The following TMEM38B variants were observed in gnomAD, a reference collection of about 807,000 sequenced individuals.
TMEM38B encodes the protein transmembrane protein 38B, also known as trimeric intracellular cation channel type B.
In TMEM38B, 24 loss-of-function variants were observed where a neutral mutation model predicts 28.7. That is an observed-to-expected ratio of 0.84 (90% CI 0.61 to 1.18). TMEM38B has a LOEUF of 1.18. TMEM38B is among the 50% of genes most tolerant of loss of function. The probability of loss-of-function intolerance (pLI) is 0.00; values close to 1 mark genes in which losing one functional copy is unlikely to be tolerated. For missense variants in TMEM38B, 380 were observed against 350.9 expected (o/e 1.08, Z -0.66); for synonymous variants, 131 against 127.7 (o/e 1.03, Z -0.17).
At chr9:105,738,610 C>T (rs952429297) in intron 4 of TMEM38B, among the ~76,000 whole-genome samples, 1 of 150,600 alleles carries the variant, frequency 6.6e-6, no homozygotes, top group Admixed American at 6.6e-5. Flanking sequence ...TTTTTGATGT[C>T]AAGAAGAATC....
intron 4 of TMEM38B, among the ~76,000 whole-genome samples, chr9:105,744,897 T>C (rs374397286): frequency 3.3e-5 from 5 of 152,182 alleles, no homozygotes; most frequent in Non-Finnish European, 7.3e-5. Flanking sequence ...TTCATCCATG[T>C]CCCTACAAAG....
At chr9:105,731,365 TTACA>T (rs1836740062) in intron 4 of TMEM38B, among the ~76,000 whole-genome samples, 1 of 152,064 alleles carries the variant, frequency 6.6e-6, no homozygotes, top group Non-Finnish European at 1.5e-5. Context: ...TGCAGGTTTG[TTACA>T]TATGTATACA....
At chr9:105,709,607 C>G (rs1260061516) in intron 2 of TMEM38B, among the ~76,000 whole-genome samples, 1 of 152,150 alleles carries the variant, frequency 6.6e-6, no homozygotes, top group Non-Finnish European at 1.5e-5. Context: ...TGTCAGCACT[C>G]AATAAATATT....
intron 1 of TMEM38B, among the ~76,000 whole-genome samples, chr9:105,699,475 G>T (rs966588464): frequency 3.3e-5 from 5 of 152,172 alleles, no homozygotes; most frequent in African/African-American, 1.2e-4. Flanking sequence ...ACCTCACTCC[G>T]TACTTTCCCA....
chr9:105,717,970 A>G (rs538468363), intron 2 of TMEM38B, among the ~76,000 whole-genome samples: 2 of 152,306 alleles, frequency 1.3e-5, no homozygotes, highest in South Asian at 4.1e-4. Flanking sequence ...GTTAAAAAGC[A>G]TGTAATTGAG....
intron 2 of TMEM38B, among the ~76,000 whole-genome samples, chr9:105,717,031 G>C (rs1836126237): frequency 6.6e-6 from 1 of 152,158 alleles, no homozygotes; most frequent in Non-Finnish European, 1.5e-5. Context: ...TAACCCCCAT[G>C]TTGTTGAAGA....
chr9:105,698,289 C>G (rs1186903582), intron 1 of TMEM38B, among the ~76,000 whole-genome samples: 1 of 152,090 alleles, frequency 6.6e-6, no homozygotes, highest in African/African-American at 2.4e-5. Flanking sequence ...CTTTGTCTTA[C>G]TCCTGATATT....
chr9:105,722,726 C>A, intron 4 of TMEM38B, 105 bp downstream of exon 4: 2 of 821,360 alleles, frequency 2.4e-6, no homozygotes, highest in Non-Finnish European at 3.8e-6. Context: ...TGGAATATAG[C>A]TGAAAATATA....
chr9:105,738,472 A>C lies in TMEM38B; in HGVS notation c.543-9601A>C, dbSNP rs567789949. Among the ~76,000 whole-genome samples the C allele has an allele frequency of 3.3e-5, 5 of 151,794 alleles. No homozygotes were observed. The South Asian group carries it at 1.0e-3, about 32-fold the overall frequency. On this transcript the variant is annotated intron_variant, in intron 4 of 5. Transcript: ENST00000374692. ...CTGGTACTTTCCTTTAGTTATTTTC[A>C]TCAAGATGTAGTTGTTATTTATTGT...
At chr9:105,724,790 A>G (rs1836448078) in intron 4 of TMEM38B, among the ~76,000 whole-genome samples, 1 of 152,218 alleles carries the variant, frequency 6.6e-6, no homozygotes, top group Non-Finnish European at 1.5e-5. Context: ...AGTTATAAAT[A>G]AGATACTCTT....
intron 5 of TMEM38B, among the ~76,000 whole-genome samples, chr9:105,768,608 A>G (rs368530080): frequency 1.5e-4 from 23 of 152,190 alleles, no homozygotes; most frequent in African/African-American, 4.8e-4. Flanking sequence ...CAGATTTTCT[A>G]TTTTACTTGT....
intron 1 of TMEM38B, 116 bp from the exon 2 acceptor site, chr9:105,705,472 CTATGAATAA>C: frequency 1.1e-6 from 1 of 922,746 alleles, no homozygotes; most frequent in East Asian, 2.6e-5. Flanking sequence ...ACTGGCACAC[CTATGAATAA>C]TAGTTGTTGA....
intron 1 of TMEM38B, among the ~76,000 whole-genome samples, chr9:105,700,542 C>T (rs900397276): frequency 1.3e-5 from 2 of 152,168 alleles, no homozygotes; most frequent in African/African-American, 4.8e-5. Flanking sequence ...CTATTCTGTG[C>T]CTTATCTTTG....
At chr9:105,718,056 G>A (rs889868324) in intron 2 of TMEM38B, among the ~76,000 whole-genome samples, 1 of 152,148 alleles carries the variant, frequency 6.6e-6, no homozygotes, top group African/African-American at 2.4e-5. Context: ...ACCTGGCGCA[G>A]CTAGTCCTTT....
chr9:105,724,956 A>G (rs913881415), intron 4 of TMEM38B, among the ~76,000 whole-genome samples: 2 of 151,996 alleles, frequency 1.3e-5, no homozygotes, highest in Admixed American at 1.3e-4. Flanking sequence ...AGTCCCTCCA[A>G]ATGTGCCTTT....
intron 4 of TMEM38B, among the ~76,000 whole-genome samples, chr9:105,741,855 G>A (rs1309671115): frequency 6.6e-6 from 1 of 152,216 alleles, no homozygotes; most frequent in Non-Finnish European, 1.5e-5. Flanking sequence ...ATAAAACTGA[G>A]ATTCACTCTG....
At chr9:105,720,729 C>T (rs895862889) in intron 2 of TMEM38B, among the ~76,000 whole-genome samples, 13 of 151,904 alleles carry the variant, frequency 8.6e-5, no homozygotes, top group South Asian at 2.1e-4. Context: ...TTATTTACCC[C>T]GTTAGAAAGA....
intron 4 of TMEM38B, among the ~76,000 whole-genome samples, chr9:105,723,819 G>T (rs1836415085): frequency 6.6e-6 from 1 of 152,048 alleles, no homozygotes; most frequent in Admixed American, 6.6e-5. Flanking sequence ...ATGAGCCACT[G>T]TGCCTGGCCG....
At chr9:105,714,870 T>C (rs940993521) in intron 2 of TMEM38B, among the ~76,000 whole-genome samples, 2 of 152,228 alleles carry the variant, frequency 1.3e-5, no homozygotes, top group Non-Finnish European at 2.9e-5. Flanking sequence ...AGACGCTCAC[T>C]GTTATTGGGT....
Sources: gnomAD v4.1 joint callset for allele counts (sites outside exome capture counted in the v4.1 genomes callset) on GRCh38, gnomAD v4.1.1 for gene constraint, MANE v1.5 for transcripts, NCBI Gene and HGNC (gene_info 2026-07-23, HGNC 2026-07-21) for gene names.